Variants in CHMP6 observed in about 807,000 individuals in gnomAD.
The protein encoded by CHMP6 is charged multivesicular body protein 6.
CHMP6 carries 10 observed loss-of-function variants against 32.8 expected under a neutral mutation model. That is an observed-to-expected ratio of 0.30 (90% CI 0.19 to 0.52). The LOEUF is 0.52. Among genes scored for constraint, CHMP6 ranks in the 20% least tolerant of loss-of-function variants. The pLI is 0.97. For missense variants in CHMP6, 269 were observed against 263.8 expected (o/e 1.02, Z -0.14); for synonymous variants, 123 against 105.8 (o/e 1.16, Z -1.00).
chr17:80,995,718 G>C lies in CHMP6; in HGVS notation c.308G>C (p.Gly103Ala). ...FTQIEMKVME[G>A]LQFGNECLNK... ...CAGATCGAAATGAAAGTGATGGAGG[G>C]GCTGCAGTTTGGAAATGAGTGTCTG... is the stretch of plus-strand genomic sequence containing the variant. The change falls in exon 4 of 8, where the codon GGG (glycine) becomes GCG (alanine). Residue 103 changes from glycine (G) to alanine (A), a missense_variant. Coordinates refer to ENST00000325167, the MANE Select transcript of CHMP6 (RefSeq NM_024591.5). 6.2e-7 allele frequency: 1 copy of C among 1,614,112 alleles called. No individual in the cohort carries two copies. The highest frequency in any genetic ancestry group is 1.1e-5 in the South Asian group (1 of 91,086).
At chr17:80,994,213 C>T (rs536178203) in intron 1 of CHMP6, among the ~76,000 whole-genome samples, 3 of 152,344 alleles carry the variant, frequency 2.0e-5, no homozygotes, top group South Asian at 2.1e-4. Flanking sequence ...TGCGCCCAGC[C>T]GAGTCCAAAC....
intron 1 of CHMP6, among the ~76,000 whole-genome samples, chr17:80,994,106 G>A (rs1159048642): frequency 6.6e-6 from 1 of 152,180 alleles, no homozygotes. Context: ...AGTAGAGACG[G>A]GGTTTCACCA....
At chr17:80,992,217 G>A (rs999874458) in intron 1 of CHMP6, among the ~76,000 whole-genome samples, 30 of 151,668 alleles carry the variant, frequency 2.0e-4, no homozygotes, top group Non-Finnish European at 2.8e-4. Context: ...CGGGGCCCGC[G>A]CGTCCGCCTC....
At chr17:80,997,878 C>T (rs1163315105) in intron 6 of CHMP6, among the ~76,000 whole-genome samples, 2 of 152,242 alleles carry the variant, frequency 1.3e-5, no homozygotes, top group East Asian at 1.9e-4. Context: ...CCTGCACCCA[C>T]TTGCTTGTCC....
intron 3 of CHMP6, 124 bp downstream of exon 3, chr17:80,995,230 C>A: frequency 4.3e-6 from 4 of 932,882 alleles, no homozygotes; most frequent in South Asian, 1.6e-5. Flanking sequence ...CGGGCTGAAG[C>A]TGACCTGAAG....
chr17:80,994,445 C>A, intron 1 of CHMP6, 136 bp from the exon 2 acceptor site: 1 of 639,048 alleles, frequency 1.6e-6, no homozygotes, highest in Non-Finnish European at 2.6e-6. Flanking sequence ...ACAGCACCAC[C>A]TGTCCCCTGG....
chr17:80,993,434 C>T (rs2069610412), intron 1 of CHMP6, among the ~76,000 whole-genome samples: 1 of 152,132 alleles, frequency 6.6e-6, no homozygotes, highest in African/African-American at 2.4e-5. Context: ...ACTGTAGCAA[C>T]GAGAGGACCC....
chr17:80,997,411 GGCCCTGCC>G, intron 6 of CHMP6, 70 bp downstream of exon 6: 9 of 655,756 alleles, frequency 1.4e-5, no homozygotes, highest in Admixed American at 4.7e-5. Context: ...ACCCCCAGGA[GGCCCTGCC>G]CATGGTGATC....
In CHMP6 at chr17:80,999,820, A is replaced by G. The variant is rs1231685067; in HGVS notation, c.*667A>G. The G allele has an allele frequency of 1.3e-5, 2 of 151,806 alleles. No individual in the cohort carries two copies. Among genetic ancestry groups the G allele is most frequent in the African/African-American group, 4.9e-5 (2 of 41,220 alleles). The allele number at this position is 151,806 out of a possible 1,614,324, so 9.4% of individuals were successfully genotyped here. ...TCCACTAGGGCTCAGCCCTGCTGAG[A>G]AAGGACCTCCGATGCTTGGGAGACG... On this transcript the variant is annotated 3_prime_UTR_variant, in exon 8 of 8. Transcript: ENST00000325167.
chr17:80,998,651 A>G, intron 7 of CHMP6: 1 of 1,410,998 alleles, frequency 7.1e-7, no homozygotes. Flanking sequence ...TCAAAGAGAC[A>G]CATTCAGAAA....
rs1417713063 is a variant in CHMP6 at position 80,995,119 on chromosome 17, G to T, written c.261+13G>T. The T allele has an allele frequency of 1.9e-6, 3 of 1,591,486 alleles. No individual in the cohort carries two copies. The highest frequency in any genetic ancestry group is 4.5e-5 in the East Asian group (2 of 44,042). ...CCTGGAGGCCATGGTAGGCGGCCGG[G>T]TGCTTCGCCCTGGAGTGCAGGTGCA... is the stretch of plus-strand genomic sequence containing the variant. On this transcript the variant is annotated intron_variant, in intron 3 of 7. Coordinates refer to ENST00000325167, the MANE Select transcript of CHMP6 (RefSeq NM_024591.5).
At position 80,999,257 on chromosome 17, in the gene CHMP6, C is replaced by A; in HGVS notation, c.*104C>A. 1.5e-6 allele frequency: 2 copies of A among 1,328,918 alleles called. No homozygotes were observed. The highest frequency in any genetic ancestry group is 2.2e-6 in the Non-Finnish European group (2 of 929,520). The allele number at this position is 1,328,918 out of a possible 1,614,324, so 82.3% of individuals were successfully genotyped here. A position where few individuals can be genotyped will look rare whatever the true frequency, so the allele number is the denominator to read the frequency against. On this transcript the variant is annotated 3_prime_UTR_variant, in exon 8 of 8. Coordinates refer to ENST00000325167, the MANE Select transcript of CHMP6 (RefSeq NM_024591.5). ...TGACCGGGTTCCCTGGAGCCCAGTGCGCACGGTGCTGAGCAGAGCTGCAGC... is the reference window on the plus strand; with the variant it reads ...TGACCGGGTTCCCTGGAGCCCAGTGAGCACGGTGCTGAGCAGAGCTGCAGC...
intron 1 of CHMP6, among the ~76,000 whole-genome samples, chr17:80,992,400 C>T (rs1467465943): frequency 6.6e-6 from 1 of 152,208 alleles, no homozygotes; most frequent in Non-Finnish European, 1.5e-5. Flanking sequence ...GCCCCCGCCC[C>T]CGTCCCGCGG....
rs759617929 is a variant in CHMP6, at chr17:80,995,696, A to G, written c.286A>G (p.Ile96Val). 24 of 1,613,940 alleles carry G rather than the reference A, an allele frequency of 1.5e-5. No homozygotes were observed. The highest frequency in any genetic ancestry group is 1.9e-5 in the Non-Finnish European group (23 of 1,179,958). The change falls in exon 4 of 8, where the codon ATC becomes GTC. Residue 96 changes from isoleucine to valine, a missense_variant. Physicochemically the swap from Ile to Val is conservative, Grantham distance 29. Transcript: ENST00000325167. ...GGTTCAGAGTATTGAGTTCACCCAG[A>G]TCGAAATGAAAGTGATGGAGGGGCT... ...AMVQSIEFTQ[I>V]EMKVMEGLQF...
intron 1 of CHMP6, among the ~76,000 whole-genome samples, chr17:80,994,216 G>A (rs942098751): frequency 2.0e-5 from 3 of 152,204 alleles, no homozygotes; most frequent in African/African-American, 7.2e-5. Flanking sequence ...GCCCAGCCGA[G>A]TCCAAACCTT....
chr17:80,996,864 C>T (rs2069641659), intron 4 of CHMP6, 143 bp from the exon 5 acceptor site: 1 of 834,744 alleles, frequency 1.2e-6, no homozygotes. Context: ...CCAGCCTGGG[C>T]AACACAGCCA....
rs2069631724 is a variant in CHMP6 at position 80,995,720 on chromosome 17, C to T, written c.310C>T (p.Leu104=). The change falls in exon 4 of 8, where the codon CTG becomes TTG. Residue 104 remains leucine, a synonymous_variant. Coordinates refer to ENST00000325167, the MANE Select transcript of CHMP6 (RefSeq NM_024591.5). Reference sequence around the variant, plus strand: ...GATCGAAATGAAAGTGATGGAGGGGCTGCAGTTTGGAAATGAGTGTCTGAA... The same window carrying T: ...GATCGAAATGAAAGTGATGGAGGGGTTGCAGTTTGGAAATGAGTGTCTGAA... ...TQIEMKVMEG[L]QFGNECLNKM... The T allele has an allele frequency of 1.2e-6, 2 of 1,614,112 alleles. No individual in the cohort carries two copies. Among genetic ancestry groups the T allele is most frequent in the African/African-American group, 1.3e-5 (1 of 75,044 alleles).
rs142871819 is a variant in CHMP6 at position 80,997,315 on chromosome 17, C to G, written c.469C>G (p.Leu157Val). 1 of 1,613,224 alleles carries G rather than the reference C, an allele frequency of 6.2e-7. No individual in the cohort carries two copies. The highest frequency in any genetic ancestry group is 1.1e-5 in the South Asian group (1 of 91,052). Residue 157 changes from leucine to valine, a missense_variant, in exon 6 of 8, where the codon CTG becomes GTG. Physicochemically the swap from Leu to Val is conservative, Grantham distance 32 (BLOSUM62 1). Transcript: ENST00000325167. ...CACTCAGGAGGATGAAGACGCCATC[C>G]TGGAGGAGCTGAGCGCAATCACTCA... Reference protein sequence around the residue: ...SFTQEDEDAILEELSAITQEQ... With the variant: ...SFTQEDEDAIVEELSAITQEQ...
intron 6 of CHMP6, 71 bp from the exon 7 acceptor site, chr17:80,998,293 CCT>C (rs1247648952): frequency 1.2e-5 from 19 of 1,539,416 alleles, no homozygotes; most frequent in Non-Finnish European, 1.6e-5. Context: ...GGATCCGTGT[CCT>C]CTCGGGGAGG....
Sources: allele counts gnomAD v4.1 joint callset (sites outside exome capture counted in the v4.1 genomes callset), GRCh38; gene constraint gnomAD v4.1.1; transcripts MANE v1.5; gene names NCBI Gene and HGNC (gene_info 2026-07-23, HGNC 2026-07-21).